The following PAX5 variants were observed in gnomAD, a reference collection of about 807,000 sequenced individuals.
PAX5 encodes the protein paired box protein Pax-5.
In PAX5, 9 loss-of-function variants were observed where a neutral mutation model predicts 43.7. That is an observed-to-expected ratio of 0.21 (90% CI 0.12 to 0.36). PAX5 has a LOEUF of 0.36. PAX5 is among the 10% of genes least tolerant of loss of function. The pLI, the probability that PAX5 is intolerant of heterozygous loss-of-function variation, is 1.00. For missense variants in PAX5, 383 were observed against 532.7 expected (o/e 0.72, Z 2.77); for synonymous variants, 228 against 214.3 (o/e 1.06, Z -0.56).
At chr9:36,997,962 A>G (rs766230509) in intron 5 of PAX5, among the ~76,000 whole-genome samples, 1 of 152,210 alleles carries the variant, frequency 6.6e-6, no homozygotes, top group Non-Finnish European at 1.5e-5. Context: ...GCCTGCCTCA[A>G]AAGTCACAGA....
chr9:37,033,604 A>ACACACACC (rs1466255399), intron 1 of PAX5, among the ~76,000 whole-genome samples: 1 of 149,928 alleles, frequency 6.7e-6, no homozygotes, highest in Non-Finnish European at 1.5e-5. Flanking sequence ...AAAGATACAC[A>ACACACACC]CACACACACA....
intron 9 of PAX5, among the ~76,000 whole-genome samples, chr9:36,840,891 G>A (rs537759206): frequency 7.9e-5 from 12 of 152,270 alleles, no homozygotes; most frequent in African/African-American, 2.2e-4. Context: ...CCAGCTGCCC[G>A]TTTTAGTGAA....
intron 8 of PAX5, among the ~76,000 whole-genome samples, chr9:36,868,971 T>C (rs904280839): frequency 6.6e-6 from 1 of 152,210 alleles, no homozygotes; most frequent in South Asian, 2.1e-4. Context: ...GTTGGTAGAA[T>C]GAGCTTACGG....
intron 3 of PAX5, among the ~76,000 whole-genome samples, chr9:37,009,174 G>A (rs935623195): frequency 2.0e-5 from 3 of 152,164 alleles, no homozygotes; most frequent in Non-Finnish European, 2.9e-5. Context: ...AAATATCACT[G>A]GGAAAGCATT....
chr9:37,014,906 G>A, intron 3 of PAX5, 91 bp downstream of exon 3: 1 of 1,211,188 alleles, frequency 8.3e-7, no homozygotes, highest in South Asian at 1.4e-5. Flanking sequence ...TGAAAAAAGA[G>A]ACCAGATCTT....
chr9:36,956,960 A>G lies in PAX5; in HGVS notation c.780+9589T>C, dbSNP rs113555874. On this transcript the variant is annotated intron_variant, in intron 6 of 9. Coordinates refer to ENST00000358127, the MANE Select transcript of PAX5 (RefSeq NM_016734.3). Reference sequence around the variant, plus strand: ...TTAAATCTTAAGCAGTTCAGTGAACAGGAAGGTATTTCTACCTCCTCTCCT... The same window carrying G: ...TTAAATCTTAAGCAGTTCAGTGAACGGGAAGGTATTTCTACCTCCTCTCCT... Among the ~76,000 whole-genome samples, 741 of 152,348 alleles carry G rather than the reference A, an allele frequency of 4.9e-3. 5 individuals are homozygous for G. The highest frequency in any genetic ancestry group is 0.017 in the African/African-American group (709 of 41,578).
At chr9:36,956,659 C>A (rs1485629138) in intron 6 of PAX5, among the ~76,000 whole-genome samples, 2 of 152,168 alleles carry the variant, frequency 1.3e-5, no homozygotes, top group Non-Finnish European at 2.9e-5. Flanking sequence ...CACAGGAAGA[C>A]AAAGACTACT....
intron 8 of PAX5, among the ~76,000 whole-genome samples, chr9:36,855,019 G>A (rs1428351218): frequency 6.6e-6 from 1 of 152,230 alleles, no homozygotes; most frequent in African/African-American, 2.4e-5. Context: ...GCCTCAGTGT[G>A]ATCCTCTGTA....
At chr9:36,880,179 T>C (rs955349692) in intron 8 of PAX5, among the ~76,000 whole-genome samples, 5 of 152,246 alleles carry the variant, frequency 3.3e-5, no homozygotes, top group African/African-American at 4.8e-5. Flanking sequence ...GATGTGGCCA[T>C]AGGGGAGCCA....
At chr9:36,955,774 A>AT (rs1203314592) in intron 6 of PAX5, among the ~76,000 whole-genome samples, 11 of 55,126 alleles carry the variant, frequency 2.0e-4, no homozygotes, top group Admixed American at 1.5e-3. Flanking sequence ...TTGTTTCAAA[A>AT]AAAAAAAAAT....
At chr9:36,850,418 G>A (rs1823043411) in intron 8 of PAX5, among the ~76,000 whole-genome samples, 1 of 152,208 alleles carries the variant, frequency 6.6e-6, no homozygotes, top group Admixed American at 6.5e-5. Context: ...TTCCTCATGT[G>A]CAGGAAGGAC....
chr9:37,010,737 C>T (rs1221134576), intron 3 of PAX5, among the ~76,000 whole-genome samples: 1 of 152,170 alleles, frequency 6.6e-6, no homozygotes, highest in South Asian at 2.1e-4. Context: ...ACTGATCAAA[C>T]TGCCATCAGT....
At chr9:37,011,128 C>CA (rs1225031293) in intron 3 of PAX5, among the ~76,000 whole-genome samples, 1,745 of 100,922 alleles carry the variant, frequency 0.017, 36 homozygotes, top group East Asian at 0.15. Flanking sequence ...CTCAAAAAAA[C>CA]AAAAAAAAAA....
chr9:36,888,748 C>A (rs571380962), intron 7 of PAX5, among the ~76,000 whole-genome samples: 1 of 152,328 alleles, frequency 6.6e-6, no homozygotes, highest in African/African-American at 2.4e-5. Flanking sequence ...AGAGGGCAGA[C>A]CTGACCCCAG....
chr9:36,966,828 C>T (rs554170647), intron 5 of PAX5, 104 bp from the exon 6 acceptor site: 96 of 994,864 alleles, frequency 9.6e-5, no homozygotes, highest in Non-Finnish European at 7.5e-5. Context: ...CCCCAACTCC[C>T]TCCCTGACCA....
chr9:37,000,893 C>A (rs1443141390), intron 5 of PAX5, among the ~76,000 whole-genome samples: 1 of 152,240 alleles, frequency 6.6e-6, no homozygotes, highest in Non-Finnish European at 1.5e-5. Context: ...TTGAAGGCAG[C>A]AATCCAGTCT....
intron 3 of PAX5, among the ~76,000 whole-genome samples, chr9:37,011,128 C>CAAAAAAAA (rs1225031293): frequency 1.3e-4 from 13 of 100,896 alleles, no homozygotes; most frequent in East Asian, 2.8e-4. Context: ...CTCAAAAAAA[C>CAAAAAAAA]AAAAAAAAAA....
chr9:36,915,113 A>G (rs574384797), intron 7 of PAX5, among the ~76,000 whole-genome samples: 28 of 152,342 alleles, frequency 1.8e-4, no homozygotes, highest in African/African-American at 6.7e-4. Flanking sequence ...TTCTGCAAGG[A>G]TCATACATAT....
intron 4 of PAX5, among the ~76,000 whole-genome samples, chr9:37,005,670 A>C (rs532437722): frequency 6.6e-6 from 1 of 152,332 alleles, no homozygotes; most frequent in South Asian, 2.1e-4. Flanking sequence ...ACACAATCTG[A>C]GGTGTGATTC....
Sources: gnomAD v4.1 joint callset for allele counts (sites outside exome capture counted in the v4.1 genomes callset) on GRCh38, gnomAD v4.1.1 for gene constraint, MANE v1.5 for transcripts, NCBI Gene and HGNC (gene_info 2026-07-23, HGNC 2026-07-21) for gene names.